DST: variants seen among roughly 807,000 people sequenced by gnomAD.
DST encodes bullous pemphigoid antigen.
In DST, 253 loss-of-function variants were observed where a neutral mutation model predicts 875.2. The ratio of observed to expected loss-of-function variants is 0.29; its 90% CI spans 0.26 to 0.32. The LOEUF is 0.32. DST is among the 10% of genes least tolerant of loss of function. The pLI, the probability that DST is intolerant of heterozygous loss-of-function variation, is 1.00. For synonymous variants in DST, 3,124 were observed against 3,197.1 expected, an observed-to-expected ratio of 0.98 and a Z score of 0.77; for missense variants, 8,287 against 9,111.6, an observed-to-expected ratio of 0.91 and a Z score of 3.68.
In DST at chr6:56,615,254, T is replaced by TA. The variant is rs3841165; in HGVS notation, c.4930-771dup. The TA allele has an allele frequency of 0.096, 97,848 of 1,016,250 alleles. 2,322 individuals carry two copies. The highest frequency in any genetic ancestry group is 0.31 in the African/African-American group (18,426 of 59,204). 63.0% of individuals were successfully genotyped at this position (1,016,250 alleles called of 1,614,324 possible). Reference sequence around the variant, plus strand: ...CATCAAGTTTATCCCACATTCTACGTAAAAAAAAAAACATTTTAGTGTGGC... The same window carrying TA: ...CATCAAGTTTATCCCACATTCTACGTAAAAAAAAAAAACATTTTAGTGTGGC... On this transcript the variant is annotated intron_variant, in intron 36 of 103. Transcript: ENST00000680361.
intron 4 of DST, among the ~76,000 whole-genome samples, chr6:56,822,049 GTCTA>G (rs1390365323): frequency 1.3e-5 from 2 of 152,092 alleles, no homozygotes; most frequent in African/African-American, 4.8e-5. Flanking sequence ...CATTTCTATA[GTCTA>G]TCTAATTCTA....
chr6:56,759,225 C>T (rs890809124), intron 4 of DST, among the ~76,000 whole-genome samples: 3 of 152,104 alleles, frequency 2.0e-5, no homozygotes, highest in Admixed American at 6.5e-5. Flanking sequence ...CCGAAGTGGG[C>T]GGATCACTTG....
At chr6:56,535,705 T>C (rs1415117223) in intron 62 of DST, among the ~76,000 whole-genome samples, 3 of 152,244 alleles carry the variant, frequency 2.0e-5, no homozygotes, top group Non-Finnish European at 2.9e-5. Flanking sequence ...AACAGAACTA[T>C]TATAGCAGAG....
intron 8 of DST, among the ~76,000 whole-genome samples, chr6:56,700,981 C>CTT (rs373838192): frequency 0.011 from 1,436 of 128,480 alleles, 50 homozygotes; most frequent in African/African-American, 0.04. Context: ...TTTCTCTTGC[C>CTT]TTTTTTTTTT....
rs2097444611 is a variant in DST, at chr6:56,557,481, ATCAATTGTTAATTGATTG to A, written c.14460_14477del (p.Asn4821_Asp4826del). On this transcript the variant is annotated inframe_deletion, in exon 59 of 104. Coordinates refer to ENST00000680361, the MANE Select transcript of DST (RefSeq NM_001374736.1). ...AGGATTCTTCCAGTTTTTGTTGTCT[ATCAATTGTTAATTGATTG>A]AGTTCTTGCCACTTAGAATCTAAAA... is the stretch of plus-strand genomic sequence containing the variant. 1 of 1,613,370 alleles carries A rather than the reference ATCAATTGTTAATTGATTG, an allele frequency of 6.2e-7. No homozygotes were observed. Among genetic ancestry groups the A allele is most frequent in the Admixed American group, 1.7e-5 (1 of 59,938 alleles).
intron 62 of DST, 124 bp from the exon 63 acceptor site, chr6:56,535,416 T>A: frequency 8.5e-7 from 1 of 1,172,438 alleles, no homozygotes. Flanking sequence ...ACTTTTCACT[T>A]AAAATTTACC....
At chr6:56,767,382 CAA>C (rs1481572215) in intron 4 of DST, among the ~76,000 whole-genome samples, 1 of 151,994 alleles carries the variant, frequency 6.6e-6, no homozygotes, top group Non-Finnish European at 1.5e-5. Flanking sequence ...TTTGGGAGGC[CAA>C]AGTGGGCAGA....
intron 9 of DST, among the ~76,000 whole-genome samples, chr6:56,694,674 A>T (rs1274584628): frequency 6.6e-6 from 1 of 152,110 alleles, no homozygotes; most frequent in African/African-American, 2.4e-5. Flanking sequence ...ATCTCTGCTG[A>T]TGAAGTTTAG....
intron 36 of DST, chr6:56,614,705 A>G (rs1468799767): frequency 1.2e-5 from 14 of 1,158,066 alleles, no homozygotes; most frequent in Non-Finnish European, 1.2e-5. Flanking sequence ...ACATTCCTTA[A>G]TGATTGGTCT....
At position 56,535,258 on chromosome 6, in the gene DST, A is replaced by T; in HGVS notation, c.16805T>A (p.Leu5602Ter). ...AQRAAQLQEA[L>*]LHCGRFQDAL... ...ATCCTGGAACCTCCCACAGTGCAGC[A>T]AGGCCTCCTGCAGCTGGGCTGCTCG... The change falls in exon 63 of 104, where the codon TTG becomes TAG. Residue 5602 changes from leucine (L) to a stop codon, truncating the protein, a stop_gained. Transcript: ENST00000680361. LOFTEE classifies it high-confidence loss of function. 1 of 1,604,748 alleles carries T rather than the reference A, an allele frequency of 6.2e-7. No individual in the cohort carries two copies. Among genetic ancestry groups the T allele is most frequent in the Non-Finnish European group, 8.5e-7 (1 of 1,177,014 alleles).
Position 56,492,992 on chromosome 6 carries a change from A to T in DST, c.20492T>A (p.Val6831Glu). Reference sequence around the variant, plus strand: ...CAAGATGAGACTTGGCCGAGAAGCTACATTTAGGGTCTGTTCAGCCTGAGT... The same window carrying T: ...CAAGATGAGACTTGGCCGAGAAGCTTCATTTAGGGTCTGTTCAGCCTGAGT... The part of the protein sequence containing the change: ...WLTQAEQTLN[V>E]ASRPSLILDT... Residue 6831 changes from valine (V) to glutamate (E), a missense_variant, in exon 84 of 104, where the codon GTA (valine) becomes GAA (glutamate). Physicochemically the swap from Val to Glu is moderately radical, Grantham distance 121 (BLOSUM62 -2). Transcript: ENST00000680361. 6.2e-7 allele frequency: 1 copy of T among 1,612,668 alleles called. No homozygotes were observed. The highest frequency in any genetic ancestry group is 8.5e-7 in the Non-Finnish European group (1 of 1,179,274).
At position 56,742,240 on chromosome 6, in the gene DST, T is replaced by C. The variant is rs1226482112; in HGVS notation, c.626-6951A>G. The C allele has an allele frequency of 3.2e-6, 4 of 1,232,406 alleles. No homozygotes were observed. In the African/African-American group the frequency reaches 4.6e-5, roughly 14 times the overall value. The allele number at this position is 1,232,406 out of a possible 1,614,324, so 76.3% of individuals were successfully genotyped here. On this transcript the variant is annotated intron_variant, in intron 4 of 103. Coordinates refer to ENST00000680361, the MANE Select transcript of DST (RefSeq NM_001374736.1). ...CTTTCCCTTCCCAGTTCTGAAAACA[T>C]GAAAGTGATAGTATATGTGATACTA...
chr6:56,512,088 G>T (rs1021902223), intron 72 of DST, among the ~76,000 whole-genome samples: 6 of 151,948 alleles, frequency 3.9e-5, no homozygotes, highest in Non-Finnish European at 5.9e-5. Flanking sequence ...ACATATGAAT[G>T]AATCTATATT....
chr6:56,488,484 G>A (rs75120828), intron 86 of DST, among the ~76,000 whole-genome samples: 2 of 152,104 alleles, frequency 1.3e-5, no homozygotes, highest in African/African-American at 4.8e-5. Context: ...ACAGGCAAAG[G>A]GTGCCAGCAG....
In DST at chr6:56,608,804, C is replaced by T. The variant is rs1260383405; in HGVS notation, c.5824G>A (p.Glu1942Lys). The change falls in exon 40 of 104, where the codon GAA becomes AAA. Residue 1942 changes from glutamate (E) to lysine (K), a missense_variant. Transcript: ENST00000680361. The part of the protein sequence containing the change: ...IDMVQRSTLQ[E>K]NTGMWLLPVR... The stretch of plus-strand genomic sequence containing the variant: ...GGTAGAAGCCACATCCCTGTGTTTT[C>T]CTGTAAAGTACTTCTTTGTACCATA... 2 of 1,610,704 alleles carry T rather than the reference C, an allele frequency of 1.2e-6. No individual in the cohort carries two copies. The highest frequency in any genetic ancestry group is 1.7e-6 in the Non-Finnish European group (2 of 1,178,204).
chr6:56,526,537 C>T lies in DST; in HGVS notation c.17953G>A (p.Ala5985Thr). The T allele has an allele frequency of 6.2e-7, 1 of 1,613,654 alleles. No individual in the cohort carries two copies. The highest frequency in any genetic ancestry group is 8.5e-7 in the Non-Finnish European group (1 of 1,179,712). The change falls in exon 69 of 104, where the codon GCC (alanine) becomes ACC (threonine). Residue 5985 changes from alanine to threonine, a missense_variant. Physicochemically the swap from Ala to Thr is moderately conservative, Grantham distance 58 (BLOSUM62 0). This residue lies in a region of DST where 777 missense variants were observed against 764.8 expected (regional missense o/e 1.02). Coordinates refer to ENST00000680361, the MANE Select transcript of DST (RefSeq NM_001374736.1). ...ACTTCATTAAGGGAGTCCAGTAAGGCTTTGTTGTTCTTAGCTTCCTTTTTC... is the reference window on the plus strand; with the variant it reads ...ACTTCATTAAGGGAGTCCAGTAAGGTTTTGTTGTTCTTAGCTTCCTTTTTC... ...ELKKEAKNNKALLDSLNEVSS... is the reference protein window; with the variant it reads ...ELKKEAKNNKTLLDSLNEVSS...
In DST at chr6:56,639,475, A is replaced by G. The variant is rs764515744; in HGVS notation, c.2834T>C (p.Ile945Thr). ...AYDWSERNTN[I>T]ARKKDYHAEL... Reference sequence around the variant, plus strand: ...AGCATGATAATCTTTTTTCCTAGCTATGTTGGTGTTTCTCTCACTCCAGTC... The same window carrying G: ...AGCATGATAATCTTTTTTCCTAGCTGTGTTGGTGTTTCTCTCACTCCAGTC... The change falls in exon 21 of 104, where the codon ATA becomes ACA. Residue 945 changes from isoleucine to threonine, a missense_variant. By Grantham distance (89) the Ile-to-Thr change is moderately conservative (BLOSUM62 -1). This residue lies in a region of DST where 1,160 missense variants were observed against 1,424.3 expected (regional missense o/e 0.81). Transcript: ENST00000680361. The G allele has an allele frequency of 1.9e-6, 3 of 1,613,818 alleles. No individual in the cohort carries two copies. The East Asian group carries it at 6.7e-5, about 36-fold the overall frequency.
At chr6:56,494,502 G>A (rs543012043) in intron 82 of DST, among the ~76,000 whole-genome samples, 1 of 152,086 alleles carries the variant, frequency 6.6e-6, no homozygotes, top group Admixed American at 6.6e-5. Flanking sequence ...GTTTGGGCAA[G>A]TAATTTCATC....
chr6:56,665,573 C>G (rs1171196031), intron 10 of DST, among the ~76,000 whole-genome samples: 1 of 152,002 alleles, frequency 6.6e-6, no homozygotes, highest in African/African-American at 2.4e-5. Context: ...AGAGCAACCA[C>G]CTCCGTTATG....
Sources: gnomAD v4.1 joint callset for allele counts (sites outside exome capture counted in the v4.1 genomes callset) on GRCh38, gnomAD v4.1.1 for gene constraint, gnomAD v4.1.1 regional missense constraint, MANE v1.5 for transcripts, NCBI Gene and HGNC (gene_info 2026-07-23, HGNC 2026-07-21) for gene names.